Variants in OLFM3 observed in about 807,000 individuals in gnomAD.
OLFM3 encodes olfactomedin 3.
OLFM3 carries 20 observed loss-of-function variants against 48.6 expected under a neutral mutation model. That is an observed-to-expected ratio of 0.41 (90% CI 0.29 to 0.60). The LOEUF (loss-of-function observed/expected upper bound fraction) is 0.60. OLFM3 is among the 20% of genes least tolerant of loss of function. OLFM3 has a pLI of 0.28. For synonymous variants in OLFM3, 222 were observed against 198.1 expected (o/e 1.12, Z -1.01); for missense variants, 437 against 544.3 (o/e 0.80, Z 1.96).
chr1:101,842,198 G>A (rs773405104), intron 1 of OLFM3, among the ~76,000 whole-genome samples: 1 of 152,084 alleles, frequency 6.6e-6, no homozygotes, highest in Non-Finnish European at 1.5e-5. Context: ...AACTATAAAA[G>A]CAAAAATAAT....
chr1:101,907,036 CTG>C (rs1464856570), intron 1 of OLFM3, among the ~76,000 whole-genome samples: 2 of 152,056 alleles, frequency 1.3e-5, no homozygotes, highest in Non-Finnish European at 2.9e-5. Flanking sequence ...AATTTTCTAA[CTG>C]TTCTCTGTGA....
At chr1:101,984,869 A>G (rs556762590) in intron 1 of OLFM3, among the ~76,000 whole-genome samples, 1 of 152,348 alleles carries the variant, frequency 6.6e-6, no homozygotes, top group African/African-American at 2.4e-5. Flanking sequence ...ATTATTACTA[A>G]TATATATAAG....
chr1:101,955,909 T>C (rs1570664237), intron 1 of OLFM3, among the ~76,000 whole-genome samples: 1 of 151,898 alleles, frequency 6.6e-6, no homozygotes, highest in Non-Finnish European at 1.5e-5. Flanking sequence ...AGTCTACTCC[T>C]ATTCTTGTAT....
rs189163073 is a variant in OLFM3, at chr1:101,984,185, G to A, written c.69+12563C>T. ...GCCTGGGAGGCAGAGGTTGCAGTGAGCCAAGATGACACCACTGCACTCTAG... is the reference window on the plus strand; with the variant it reads ...GCCTGGGAGGCAGAGGTTGCAGTGAACCAAGATGACACCACTGCACTCTAG... On this transcript the variant is annotated intron_variant, in intron 1 of 5. Coordinates refer to ENST00000370103, the MANE Select transcript of OLFM3 (RefSeq NM_058170.4). Among the ~76,000 whole-genome samples, 16 of 143,558 alleles carry A rather than the reference G, an allele frequency of 1.1e-4. No homozygotes were observed. The East Asian group carries it at 2.9e-3, about 26-fold the overall frequency. The allele number at this position is 143,558 out of a possible 152,430, so 94.2% of individuals were successfully genotyped here.
At chr1:101,928,029 G>A (rs937437051) in intron 1 of OLFM3, among the ~76,000 whole-genome samples, 1 of 152,012 alleles carries the variant, frequency 6.6e-6, no homozygotes, top group Non-Finnish European at 1.5e-5. Flanking sequence ...CTCTGTTTCT[G>A]TCTTGTTGAG....
At chr1:101,895,036 C>A (rs1224445654) in intron 1 of OLFM3, among the ~76,000 whole-genome samples, 1 of 152,018 alleles carries the variant, frequency 6.6e-6, no homozygotes, top group African/African-American at 2.4e-5. Context: ...AATGTAAACA[C>A]CCTGCTTACT....
At position 101,825,179 on chromosome 1, in the gene OLFM3, C is replaced by T; in HGVS notation, c.439G>A (p.Ala147Thr). ...TCCTTGAACTGGGTGATTAACTTAG[C>T]ATCTGTTTTGTACTGTTCCAGCACG... ...IPVLEQYKTD[A>T]KLITQFKEEI... The change falls in exon 4 of 6, where the codon GCT (alanine) becomes ACT (threonine). Residue 147 changes from alanine (A) to threonine (T), a missense_variant. This residue lies in a region of OLFM3 where 314 missense variants were observed against 365.5 expected (regional missense o/e 0.86). Coordinates refer to ENST00000370103, the MANE Select transcript of OLFM3 (RefSeq NM_058170.4). The T allele has an allele frequency of 1.2e-6, 2 of 1,614,058 alleles. No individual in the cohort carries two copies. Among genetic ancestry groups the T allele is most frequent in the Non-Finnish European group, 1.7e-6 (2 of 1,179,950 alleles).
At position 101,981,764 on chromosome 1, in the gene OLFM3, C is replaced by G. The variant is rs555432274; in HGVS notation, c.69+14984G>C. On this transcript the variant is annotated intron_variant, in intron 1 of 5. Coordinates refer to ENST00000370103, the MANE Select transcript of OLFM3 (RefSeq NM_058170.4). The stretch of plus-strand genomic sequence containing the variant: ...GTTGGGAAAATTTTGGGAATTATTT[C>G]CCTGTTAGCTAATGTCAACATACCA... 7.4e-4 allele frequency among the ~76,000 whole-genome samples: 112 copies of G among 152,140 alleles called. 1 individual carries two copies. The highest frequency in any genetic ancestry group is 1.2e-3 in the Non-Finnish European group (82 of 68,030).
chr1:101,866,126 G>A (rs763651853), intron 1 of OLFM3, among the ~76,000 whole-genome samples: 34 of 152,024 alleles, frequency 2.2e-4, no homozygotes, highest in Non-Finnish European at 3.4e-4. Context: ...AAAATGTCTC[G>A]AATTTCCAGA....
At chr1:101,914,495 A>C (rs1658861525) in intron 1 of OLFM3, among the ~76,000 whole-genome samples, 2 of 152,238 alleles carry the variant, frequency 1.3e-5, no homozygotes, top group African/African-American at 4.8e-5. Flanking sequence ...TTCAGAGCTT[A>C]ACCTGACTTA....
At chr1:101,901,873 A>G (rs932188606) in intron 1 of OLFM3, among the ~76,000 whole-genome samples, 1 of 152,116 alleles carries the variant, frequency 6.6e-6, no homozygotes, top group Non-Finnish European at 1.5e-5. Flanking sequence ...CTACAGGTAA[A>G]TCAAAGTGGA....
At chr1:101,970,982 A>G (rs1290443666) in intron 1 of OLFM3, among the ~76,000 whole-genome samples, 4 of 152,226 alleles carry the variant, frequency 2.6e-5, no homozygotes, top group African/African-American at 9.6e-5. Flanking sequence ...AGCAATGTAC[A>G]GCCAGCTTTT....
Position 101,830,680 on chromosome 1 carries a change from G to A in OLFM3, c.364C>T (p.His122Tyr), listed in dbSNP as rs148653680. 12 of 1,613,996 alleles carry A rather than the reference G, an allele frequency of 7.4e-6. No individual in the cohort carries two copies. In the African/African-American group the frequency reaches 8.0e-5, roughly 11 times the overall value. Residue 122 changes from histidine (H) to tyrosine (Y), a missense_variant, in exon 3 of 6, where the codon CAT becomes TAT. His to Tyr is a moderately conservative substitution (Grantham distance 83). This residue lies in a region of OLFM3 where 314 missense variants were observed against 365.5 expected (regional missense o/e 0.86). Coordinates refer to ENST00000370103, the MANE Select transcript of OLFM3 (RefSeq NM_058170.4). ...EDDRKTLMTK[H>Y]FQELKEKMDE... The stretch of plus-strand genomic sequence containing the variant: ...GCAGAAGTCAAACCTACCTGAAAAT[G>A]CTTGGTCATAAGTGTCTTTCGATCA...
chr1:101,953,107 C>T (rs1660192673), intron 1 of OLFM3, among the ~76,000 whole-genome samples: 1 of 152,130 alleles, frequency 6.6e-6, no homozygotes, highest in South Asian at 2.1e-4. Context: ...ATTAATGAAA[C>T]ATTGAAATGA....
At chr1:101,934,333 G>A (rs1172942754) in intron 1 of OLFM3, among the ~76,000 whole-genome samples, 1 of 152,064 alleles carries the variant, frequency 6.6e-6, no homozygotes, top group Non-Finnish European at 1.5e-5. Flanking sequence ...TCTAACCTCA[G>A]AATAGTCTTT....
intron 1 of OLFM3, among the ~76,000 whole-genome samples, chr1:101,982,666 A>T (rs1216412613): frequency 6.6e-6 from 1 of 152,180 alleles, no homozygotes; most frequent in African/African-American, 2.4e-5. Context: ...AATAAGCCTG[A>T]GCAGAAGAGA....
chr1:101,981,197 T>C (rs1415101), intron 1 of OLFM3, among the ~76,000 whole-genome samples: 37,620 of 151,888 alleles, frequency 0.25, 5,225 homozygotes, highest in Middle Eastern at 0.36. Context: ...TCATCCTCCC[T>C]CTCAGCTGCT....
At chr1:101,990,934 G>A (rs1255693828) in intron 1 of OLFM3, among the ~76,000 whole-genome samples, 3 of 132,934 alleles carry the variant, frequency 2.3e-5, no homozygotes, top group Non-Finnish European at 4.6e-5. Flanking sequence ...GCAGTGAGCC[G>A]AGATTGTGCC....
chr1:101,828,907 A>T (rs972436365), intron 3 of OLFM3, among the ~76,000 whole-genome samples: 1 of 152,214 alleles, frequency 6.6e-6, no homozygotes, highest in African/African-American at 2.4e-5. Context: ...GAAAATTGAC[A>T]TAGTAAATCT....
Sources: allele counts gnomAD v4.1 joint callset (sites outside exome capture counted in the v4.1 genomes callset), GRCh38; gene constraint gnomAD v4.1.1; regional missense constraint gnomAD v4.1.1; transcripts MANE v1.5; gene names NCBI Gene and HGNC (gene_info 2026-07-23, HGNC 2026-07-21).